The following TENM3 variants were observed in gnomAD, a reference collection of about 807,000 sequenced individuals.
The protein encoded by TENM3 is teneurin-3.
A neutral mutation model predicts 255.1 loss-of-function variants in TENM3; 63 were observed. The observed-to-expected ratio is 0.25, with a 90% CI of 0.20 to 0.30. The LOEUF is 0.30. TENM3 is among the 10% of genes least tolerant of loss of function. TENM3 has a pLI of 1.00. For missense variants in TENM3, 2,929 were observed against 3,461.1 expected (o/e 0.85, Z 3.86); for synonymous variants, 1,306 against 1,322.3 (o/e 0.99, Z 0.27).
chr4:181,675,875 A>G, the TENM3 span, among the ~76,000 whole-genome samples: 128 of 152,244 alleles, frequency 8.4e-4, no homozygotes, highest in African/African-American at 2.9e-3. Context: ...GAGTTGGGTT[A>G]AATTGGAAGG....
chr4:181,471,647 G>A, the TENM3 span, among the ~76,000 whole-genome samples: 14 of 152,212 alleles, frequency 9.2e-5, no homozygotes, highest in Admixed American at 8.5e-4. Flanking sequence ...TATAGGAAGA[G>A]GTACCCCATT....
the TENM3 span, among the ~76,000 whole-genome samples, chr4:181,470,121 A>AAAC: frequency 3.6e-5 from 1 of 27,438 alleles, no homozygotes; most frequent in South Asian, 1.2e-3. Context: ...AAAAAAAAAA[A>AAAC]AAAACATTAT....
At chr4:181,919,449 T>G in the TENM3 span, among the ~76,000 whole-genome samples, 1 of 151,210 alleles carries the variant, frequency 6.6e-6, no homozygotes, top group African/African-American at 2.4e-5. Flanking sequence ...GAGGTTTTCG[T>G]TTGACCCTGA....
intron 3 of TENM3, among the ~76,000 whole-genome samples, chr4:182,506,772 C>T (rs769536632): frequency 3.9e-5 from 6 of 152,062 alleles, no homozygotes; most frequent in Non-Finnish European, 7.4e-5. Context: ...GTGAACTTGG[C>T]GCTGTATACG....
the TENM3 span, among the ~76,000 whole-genome samples, chr4:181,778,804 T>C: frequency 3.9e-5 from 6 of 152,274 alleles, no homozygotes; most frequent in South Asian, 1.2e-3. Flanking sequence ...CCTTTTCTTG[T>C]TTGTCCAAGA....
intron 3 of TENM3, among the ~76,000 whole-genome samples, chr4:182,540,406 A>G (rs1048716867): frequency 2.6e-5 from 4 of 152,126 alleles, no homozygotes; most frequent in Non-Finnish European, 5.9e-5. Context: ...CCTGACCAAC[A>G]TGGAGAAACC....
At chr4:182,243,093 G>A (rs185807756), upstream of TENM3, among the ~76,000 whole-genome samples, 4 of 152,262 alleles carry the variant, frequency 2.6e-5, no homozygotes, top group East Asian at 7.7e-4. Flanking sequence ...AATGTCTTAA[G>A]GGTAAATGTC....
intron 2 of TENM3, among the ~76,000 whole-genome samples, chr4:182,343,348 C>G (rs112102519): frequency 2.6e-5 from 4 of 152,288 alleles, no homozygotes; most frequent in African/African-American, 9.6e-5. Context: ...GAGATAAATA[C>G]TTATTTTGCC....
At chr4:181,770,438 G>A in the TENM3 span, among the ~76,000 whole-genome samples, 1 of 152,216 alleles carries the variant, frequency 6.6e-6, no homozygotes, top group African/African-American at 2.4e-5. Context: ...ACTTTGGGAG[G>A]CCAAGGTGGG....
chr4:182,041,336 T>G, the TENM3 span, among the ~76,000 whole-genome samples: 39,774 of 151,848 alleles, frequency 0.26, 6,174 homozygotes, highest in African/African-American at 0.44. Context: ...TAGAAAGGTG[T>G]CAGGGCTTAG....
At chr4:182,605,721 T>TA (rs1297072995) in intron 4 of TENM3, among the ~76,000 whole-genome samples, 9 of 152,142 alleles carry the variant, frequency 5.9e-5, no homozygotes, top group Admixed American at 2.0e-4. Context: ...AAGCCCTGGC[T>TA]AAAAAAACCT....
the TENM3 span, among the ~76,000 whole-genome samples, chr4:181,628,718 G>T: frequency 6.6e-6 from 1 of 152,192 alleles, no homozygotes; most frequent in African/African-American, 2.4e-5. Flanking sequence ...CCAGTACCAT[G>T]CTGTTTTGGT....
chr4:181,858,223 T>A, the TENM3 span, among the ~76,000 whole-genome samples: 1 of 152,240 alleles, frequency 6.6e-6, no homozygotes, highest in Non-Finnish European at 1.5e-5. Context: ...AATTTTGGCA[T>A]ATGTGTTGAT....
intron 3 of TENM3, among the ~76,000 whole-genome samples, chr4:182,371,689 C>G (rs538297787): frequency 6.6e-6 from 1 of 152,164 alleles, no homozygotes. Context: ...TGCAATCGCA[C>G]GGTCTTGTCT....
At chr4:181,473,158 T>TA in the TENM3 span, among the ~76,000 whole-genome samples, 11 of 152,296 alleles carry the variant, frequency 7.2e-5, no homozygotes, top group African/African-American at 2.2e-4. Flanking sequence ...GAAATAATGT[T>TA]AAAAAATCAA....
chr4:182,461,687 CTTA>C (rs1732007402), intron 3 of TENM3, among the ~76,000 whole-genome samples: 4 of 152,276 alleles, frequency 2.6e-5, no homozygotes, highest in Admixed American at 2.6e-4. Flanking sequence ...TCTTCTTAAA[CTTA>C]TTAAGAACAG....
chr4:182,647,012 C>T (rs1752814017), intron 5 of TENM3, among the ~76,000 whole-genome samples: 2 of 152,168 alleles, frequency 1.3e-5, no homozygotes, highest in African/African-American at 4.8e-5. Context: ...ATACCCCAAA[C>T]ATTGCTTTTT....
At chr4:181,770,240 T>C in the TENM3 span, among the ~76,000 whole-genome samples, 1 of 152,102 alleles carries the variant, frequency 6.6e-6, no homozygotes, top group African/African-American at 2.4e-5. Flanking sequence ...GAATAAATAA[T>C]TTACAGAGAA....
the TENM3 span, among the ~76,000 whole-genome samples, chr4:181,984,806 G>T: frequency 6.6e-6 from 1 of 150,728 alleles, no homozygotes; most frequent in African/African-American, 2.4e-5. Context: ...GTGTGTGTGT[G>T]TGTGTGTGTG....
Sources: gnomAD v4.1 joint callset for allele counts (sites outside exome capture counted in the v4.1 genomes callset) on GRCh38, gnomAD v4.1.1 for gene constraint, MANE v1.5 for transcripts, NCBI Gene and HGNC (gene_info 2026-07-23, HGNC 2026-07-21) for gene names.